The following LRRC4C variants were observed in gnomAD, a reference collection of about 807,000 sequenced individuals.
LRRC4C encodes leucine-rich repeat-containing protein 4C.
Under a neutral mutation model 33.6 loss-of-function variants are expected in LRRC4C, and 5 were observed. The ratio of observed to expected loss-of-function variants is 0.15; its 90% CI spans 0.08 to 0.31. The LOEUF is 0.31. Among genes scored for constraint, LRRC4C ranks in the 10% least tolerant of loss-of-function variants. LRRC4C has a pLI of 1.00. For synonymous variants in LRRC4C, 329 were observed against 302.0 expected, an observed-to-expected ratio of 1.09 and a Z score of -0.93; for missense variants, 560 against 796.7, an observed-to-expected ratio of 0.70 and a Z score of 3.58.
intron 2 of LRRC4C, among the ~76,000 whole-genome samples, chr11:40,889,078 G>T (rs559341854): frequency 6.6e-6 from 1 of 152,006 alleles, no homozygotes; most frequent in East Asian, 1.9e-4. Flanking sequence ...CTATTCCACT[G>T]TAGGAACTCA....
At chr11:41,346,981 G>T (rs1158186719) in intron 1 of LRRC4C, among the ~76,000 whole-genome samples, 1 of 152,162 alleles carries the variant, frequency 6.6e-6, no homozygotes, top group East Asian at 1.9e-4. Context: ...AAATGCAGAT[G>T]ATTCTATTCT....
At chr11:40,602,939 G>T (rs1462854489) in intron 3 of LRRC4C, among the ~76,000 whole-genome samples, 1 of 152,080 alleles carries the variant, frequency 6.6e-6, no homozygotes, top group Non-Finnish European at 1.5e-5. Context: ...TTCACACCGT[G>T]ACTTCCCAGG....
At chr11:41,130,428 A>C (rs1942958787) in intron 1 of LRRC4C, among the ~76,000 whole-genome samples, 1 of 151,972 alleles carries the variant, frequency 6.6e-6, no homozygotes, top group South Asian at 2.1e-4. Flanking sequence ...TTAGAAGGAC[A>C]CATCTGGTTA....
intron 1 of LRRC4C, among the ~76,000 whole-genome samples, chr11:40,979,692 A>G (rs1852370180): frequency 6.6e-6 from 1 of 152,210 alleles, no homozygotes; most frequent in Non-Finnish European, 1.5e-5. Flanking sequence ...GTGAGGTGAA[A>G]TCAAAGATAA....
chr11:40,390,701 T>C (rs1488976522), intron 3 of LRRC4C, among the ~76,000 whole-genome samples: 1 of 151,996 alleles, frequency 6.6e-6, no homozygotes, highest in African/African-American at 2.4e-5. Flanking sequence ...AGTAAGGTGG[T>C]TCTAGGGAAG....
chr11:40,641,673 C>T (rs1181341713), intron 3 of LRRC4C, among the ~76,000 whole-genome samples: 6 of 152,142 alleles, frequency 3.9e-5, no homozygotes. Context: ...ATCCCCTTGC[C>T]TTGCATTAAA....
intron 1 of LRRC4C, among the ~76,000 whole-genome samples, chr11:41,021,285 C>A: frequency 1.3e-5 from 1 of 76,856 alleles, no homozygotes; most frequent in African/African-American, 4.4e-5. Flanking sequence ...AAGAAAATCT[C>A]CAAGAAATAA....
At chr11:40,985,375 A>G (rs111336641) in intron 1 of LRRC4C, among the ~76,000 whole-genome samples, 3,049 of 90,864 alleles carry the variant, frequency 0.034, 119 homozygotes, top group African/African-American at 0.094. Context: ...ATAGGGGGGG[A>G]AAAGTACCTT....
chr11:40,716,224 G>A (rs1222456962), intron 2 of LRRC4C, among the ~76,000 whole-genome samples: 5 of 152,088 alleles, frequency 3.3e-5, no homozygotes, highest in Admixed American at 6.5e-5. Context: ...AGAAAGATAG[G>A]CATGGGTCCA....
chr11:41,315,235 T>A (rs1445367459), intron 1 of LRRC4C, among the ~76,000 whole-genome samples: 1 of 152,190 alleles, frequency 6.6e-6, no homozygotes, highest in Non-Finnish European at 1.5e-5. Flanking sequence ...CTACATTTGG[T>A]TGCCAGTTTC....
At chr11:40,784,338 G>A (rs1233531055) in intron 2 of LRRC4C, among the ~76,000 whole-genome samples, 2 of 152,112 alleles carry the variant, frequency 1.3e-5, no homozygotes, top group African/African-American at 2.4e-5. Context: ...AAGGGACCAA[G>A]GAAGCACATG....
chr11:40,741,400 T>C (rs1948152046), intron 2 of LRRC4C, among the ~76,000 whole-genome samples: 1 of 152,034 alleles, frequency 6.6e-6, no homozygotes, highest in South Asian at 2.1e-4. Flanking sequence ...TTCCACAGTA[T>C]TGCCCTTAGA....
intron 1 of LRRC4C, among the ~76,000 whole-genome samples, chr11:41,362,590 A>G (rs890672815): frequency 3.3e-5 from 5 of 152,116 alleles, no homozygotes; most frequent in African/African-American, 1.2e-4. Context: ...GTGATATATT[A>G]GTTTTCTGTT....
chr11:40,297,838 A>G (rs1944588259), intron 4 of LRRC4C, among the ~76,000 whole-genome samples: 2 of 152,180 alleles, frequency 1.3e-5, no homozygotes, highest in Admixed American at 6.6e-5. Flanking sequence ...AAATAAGGGA[A>G]CCTAGCTAGG....
At chr11:40,311,721 C>A (rs1298734832) in intron 4 of LRRC4C, among the ~76,000 whole-genome samples, 1 of 151,952 alleles carries the variant, frequency 6.6e-6, no homozygotes, top group Non-Finnish European at 1.5e-5. Flanking sequence ...CCGAGATGGG[C>A]GATACACAAG....
intron 1 of LRRC4C, among the ~76,000 whole-genome samples, chr11:41,221,938 C>G (rs372108910): frequency 1.3e-5 from 2 of 152,134 alleles, no homozygotes; most frequent in East Asian, 3.9e-4. Context: ...TAAGAACTAT[C>G]CACTCCAACA....
chr11:40,380,373 AATT>A (rs1948820097), intron 3 of LRRC4C, among the ~76,000 whole-genome samples: 1 of 152,144 alleles, frequency 6.6e-6, no homozygotes, highest in Non-Finnish European at 1.5e-5. Context: ...TCCCTGTTTA[AATT>A]GTGCCTGGGG....
At chr11:40,808,260 ACTTT>A (rs1461496825) in intron 2 of LRRC4C, among the ~76,000 whole-genome samples, 1 of 152,106 alleles carries the variant, frequency 6.6e-6, no homozygotes, top group Non-Finnish European at 1.5e-5. Flanking sequence ...CTAAAATTAT[ACTTT>A]CTATCTTGAT....
intron 1 of LRRC4C, among the ~76,000 whole-genome samples, chr11:41,024,866 C>T (rs564963525): frequency 1.1e-4 from 16 of 151,562 alleles, no homozygotes; most frequent in South Asian, 1.0e-3. Flanking sequence ...CAACACTATG[C>T]GCTCACTTCC....
Sources: allele counts gnomAD v4.1 joint callset (sites outside exome capture counted in the v4.1 genomes callset), GRCh38; gene constraint gnomAD v4.1.1; transcripts MANE v1.5; gene names NCBI Gene and HGNC (gene_info 2026-07-23, HGNC 2026-07-21).